Variants in DMD observed in about 807,000 individuals in gnomAD.
The protein encoded by DMD is mutant dystrophin.
A neutral mutation model predicts 330.1 loss-of-function variants in DMD; 63 were observed. That is an observed-to-expected ratio of 0.19 (90% confidence interval 0.16 to 0.24). DMD has a LOEUF of 0.24. DMD is among the 10% of genes least tolerant of loss of function. The pLI is 1.00. For missense variants in DMD, 3,344 were observed against 2,684.1 expected (o/e 1.25, Z -5.43); for synonymous variants, 1,223 against 959.8 (o/e 1.27, Z -5.07).
chrX:33,211,373 A>T lies in DMD; in HGVS notation c.-61T>A. 1 of 1,194,294 alleles carries T rather than the reference A, an allele frequency of 8.4e-7. No homozygotes were observed. Among genetic ancestry groups the T allele is most frequent in the Non-Finnish European group, 1.1e-6 (1 of 884,919 alleles). On this transcript the variant is annotated 5_prime_UTR_variant, in exon 1 of 79. Coordinates refer to ENST00000357033, the MANE Select transcript of DMD (RefSeq NM_004006.3). ...ACCTGGTAAAAGTTCTTCAAACTTTATTGCTCCAGTAGGCTTAAAAACAAT... is the reference window on the plus strand; with the variant it reads ...ACCTGGTAAAAGTTCTTCAAACTTTTTTGCTCCAGTAGGCTTAAAAACAAT...
chrX:32,844,406 C>CAAAA (rs113585554), intron 4 of DMD, among the ~76,000 whole-genome samples: 3 of 74,033 alleles, frequency 4.1e-5, no homozygotes, highest in Non-Finnish European at 5.5e-5. Flanking sequence ...GACTCCATCT[C>CAAAA]AAAAAAAAAA....
chrX:33,048,073 CTG>C (rs2094406707), intron 1 of DMD, among the ~76,000 whole-genome samples: 1 of 112,147 alleles, frequency 8.9e-6, no homozygotes, highest in South Asian at 3.7e-4. Context: ...TTAAACCTAA[CTG>C]TATATATGCA....
At chrX:31,243,170 AT>A (rs1198593593) in intron 63 of DMD, among the ~76,000 whole-genome samples, 2 of 112,196 alleles carry the variant, frequency 1.8e-5, no homozygotes, top group African/African-American at 6.5e-5. Context: ...GACCATATCT[AT>A]GGTATACATG....
chrX:31,928,703 A>AT (rs1376722849), intron 47 of DMD, among the ~76,000 whole-genome samples: 1 of 111,814 alleles, frequency 8.9e-6, no homozygotes, highest in East Asian at 2.8e-4. Context: ...TAAAATGACA[A>AT]TTTTTTATGT....
chrX:32,715,579 G>A (rs1161559264), intron 7 of DMD, among the ~76,000 whole-genome samples: 1 of 107,075 alleles, frequency 9.3e-6, no homozygotes, highest in Non-Finnish European at 1.9e-5. Context: ...CAGATACGCA[G>A]ATCACCTGAG....
chrX:32,180,439 T>G (rs185169850), intron 44 of DMD, among the ~76,000 whole-genome samples: 10 of 111,236 alleles, frequency 9.0e-5, no homozygotes, highest in African/African-American at 2.9e-4. Flanking sequence ...TTAGGAAAAT[T>G]GAGAATTCTG....
intron 47 of DMD, among the ~76,000 whole-genome samples, chrX:31,895,979 C>G (rs948191884): frequency 2.7e-5 from 3 of 112,171 alleles, no homozygotes; most frequent in Non-Finnish European, 5.6e-5. Context: ...TAAACTAACA[C>G]TTTATCCTTT....
intron 1 of DMD, among the ~76,000 whole-genome samples, chrX:33,101,283 C>A (rs749859070): frequency 3.4e-4 from 38 of 111,898 alleles, no homozygotes; most frequent in Non-Finnish European, 5.4e-4. Flanking sequence ...GTGTAAATTA[C>A]TGAAAAATCT....
chrX:31,871,413 A>T (rs758150684), intron 48 of DMD, among the ~76,000 whole-genome samples: 113 of 111,204 alleles, frequency 1.0e-3, no homozygotes, highest in Non-Finnish European at 1.8e-3. Flanking sequence ...TCTGGGTTTC[A>T]CTACACAGCT....
At chrX:33,078,968 T>G (rs906195501) in intron 1 of DMD, among the ~76,000 whole-genome samples, 5 of 111,766 alleles carry the variant, frequency 4.5e-5, no homozygotes, top group African/African-American at 1.6e-4. Context: ...AACGTCACAA[T>G]CTCCAGAGTT....
chrX:32,452,304 G>T (rs73619091), intron 26 of DMD, among the ~76,000 whole-genome samples: 335 of 23,797 alleles, frequency 0.014, 39 homozygotes, highest in Middle Eastern at 0.014. Flanking sequence ...AAAAGGAAAG[G>T]GAAAGTGAAA....
intron 59 of DMD, among the ~76,000 whole-genome samples, chrX:31,457,213 T>G (rs149447733): frequency 0.02 from 2,248 of 110,823 alleles, 59 homozygotes; most frequent in African/African-American, 0.069. Flanking sequence ...ACAGAGTGTT[T>G]GTATGCAGAG....
At chrX:31,629,237 C>A (rs943198038) in intron 54 of DMD, among the ~76,000 whole-genome samples, 11 of 111,563 alleles carry the variant, frequency 9.9e-5, no homozygotes, top group Non-Finnish European at 1.9e-4. Flanking sequence ...TGCAAAACTG[C>A]AATTTATTTC....
At chrX:31,207,769 T>C (rs1285952197) in intron 65 of DMD, among the ~76,000 whole-genome samples, 3 of 111,521 alleles carry the variant, frequency 2.7e-5, no homozygotes, top group Non-Finnish European at 5.7e-5. Context: ...TGTTGGGTAC[T>C]GCGCTTAACC....
At chrX:32,239,148 G>T in intron 43 of DMD, among the ~76,000 whole-genome samples, 1 of 111,115 alleles carries the variant, frequency 9.0e-6, no homozygotes, top group East Asian at 2.8e-4. Context: ...CCTTATTTGT[G>T]ACAACGAAAA....
chrX:32,454,620 T>A, intron 26 of DMD, 42 bp downstream of exon 26: 1 of 1,069,193 alleles, frequency 9.4e-7, no homozygotes, highest in Non-Finnish European at 1.3e-6. Flanking sequence ...TTTTTCCATT[T>A]ATTTCCTTTG....
intron 12 of DMD, among the ~76,000 whole-genome samples, chrX:32,599,277 A>T (rs1317306318): frequency 9.0e-6 from 1 of 111,657 alleles, no homozygotes; most frequent in Admixed American, 9.6e-5. Context: ...TTTTACACTG[A>T]TTCTTACAAG....
At chrX:33,262,557 C>G in intron 1 of DMD, among the ~76,000 whole-genome samples, 1 of 110,866 alleles carries the variant, frequency 9.0e-6, no homozygotes, top group Middle Eastern at 4.6e-3. Flanking sequence ...TATTATAGTA[C>G]TGGCACAGGA....
chrX:31,929,579 G>A lies in DMD; in HGVS notation c.6912+17C>T. 1 of 1,208,222 alleles carries A rather than the reference G, an allele frequency of 8.3e-7. No individual in the cohort carries two copies. Among genetic ancestry groups the A allele is most frequent in the Non-Finnish European group, 1.1e-6 (1 of 892,946 alleles). ...AACATTTAACACATGTGACGGAAGA[G>A]ATGGTTAATGTCTAACCTTTATCCA... is the stretch of plus-strand genomic sequence containing the variant. On this transcript the variant is annotated intron_variant, in intron 47 of 78. Coordinates refer to ENST00000357033, the MANE Select transcript of DMD (RefSeq NM_004006.3).
Sources: gnomAD v4.1 joint callset for allele counts (sites outside exome capture counted in the v4.1 genomes callset) on GRCh38, gnomAD v4.1.1 for gene constraint, MANE v1.5 for transcripts, NCBI Gene and HGNC (gene_info 2026-07-23, HGNC 2026-07-21) for gene names.